The following ADGRB2 variants were observed in gnomAD, a reference collection of about 807,000 sequenced individuals.
The protein encoded by ADGRB2 is brain-specific angiogenesis inhibitor 2.
ADGRB2 carries 47 observed loss-of-function variants against 178.7 expected under a neutral mutation model. The observed-to-expected ratio is 0.26, with a 90% CI of 0.21 to 0.34. ADGRB2 has a LOEUF of 0.34. Among genes scored for constraint, ADGRB2 ranks in the 10% least tolerant of loss-of-function variants. ADGRB2 has a pLI of 1.00. For missense variants in ADGRB2, 1,584 were observed against 2,180.8 expected (o/e 0.73, Z 5.45); for synonymous variants, 870 against 912.4 (o/e 0.95, Z 0.84).
In ADGRB2 at chr1:31,753,581, C is replaced by T. The variant is rs895395709; in HGVS notation, c.838+2418G>A. ...CAGGACAAGGGTCTCACCCTTCCTG[C>T]TCACTACCATCCCCACGAATCTTGC... On this transcript the variant is annotated intron_variant, in intron 4 of 32. Transcript: ENST00000373658. The surrounding 1 kb of genome is among the most constrained non-coding windows in gnomAD (Gnocchi z 4.1). 2.6e-5 allele frequency among the ~76,000 whole-genome samples: 4 copies of T among 152,218 alleles called. No homozygotes were observed. Among genetic ancestry groups the T allele is most frequent in the African/African-American group, 9.6e-5 (4 of 41,454 alleles).
At chr1:31,743,247 C>T (rs1409140586) in intron 6 of ADGRB2, among the ~76,000 whole-genome samples, 1 of 152,084 alleles carries the variant, frequency 6.6e-6, no homozygotes, top group Admixed American at 6.5e-5. Context: ...GACGCCTGGA[C>T]AAGGGGGCCA....
At position 31,757,084 on chromosome 1, in the gene ADGRB2, G is replaced by A. The variant is rs2149061398; in HGVS notation, c.21+117C>T. 3 of 1,546,982 alleles carry A rather than the reference G, an allele frequency of 1.9e-6. No individual in the cohort carries two copies. In the South Asian group the frequency reaches 3.4e-5, roughly 17 times the overall value. ...GGGAAAGGACTCGCGAGAGTGCCTG[G>A]AATCTTGTGAGCCCTGAAGAAACAG... On this transcript the variant is annotated intron_variant, in intron 3 of 32. Coordinates refer to ENST00000373658, the MANE Select transcript of ADGRB2 (RefSeq NM_001364857.2).
In ADGRB2 at chr1:31,742,062, C is replaced by T. The variant is rs745584899; in HGVS notation, c.1408G>A (p.Glu470Lys). 2.9e-5 allele frequency: 46 copies of T among 1,608,792 alleles called. No individual in the cohort carries two copies. Among genetic ancestry groups the T allele is most frequent in the East Asian group, 4.5e-5 (2 of 44,830 alleles). Reference sequence around the variant, plus strand: ...TGTGCCAAGCACTCACCCGGGCACTCGAGGTTGCTGCACTCCCGGGTGTCA... The same window carrying T: ...TGTGCCAAGCACTCACCCGGGCACTTGAGGTTGCTGCACTCCCGGGTGTCA... Reference protein sequence around the residue: ...LTDTRECSNLECPATDSKWGP... With the variant: ...LTDTRECSNLKCPATDSKWGP... The change falls in exon 8 of 33, where the codon GAG (glutamate) becomes AAG (lysine). Residue 470 changes from glutamate (E) to lysine (K), a missense_variant. By Grantham distance (56) the Glu-to-Lys change is moderately conservative (BLOSUM62 1). Around this residue, in one of 3 missense-constraint regions of ADGRB2, gnomAD observed 657 missense variants for 847.6 expected, o/e 0.78. Coordinates refer to ENST00000373658, the MANE Select transcript of ADGRB2 (RefSeq NM_001364857.2).
At position 31,735,139 on chromosome 1, in the gene ADGRB2, T is replaced by G; in HGVS notation, c.3452+44A>C. 156 of 457,216 alleles carry G rather than the reference T, an allele frequency of 3.4e-4. No homozygotes were observed. The highest frequency in any genetic ancestry group is 4.3e-4 in the Non-Finnish European group (130 of 303,424). 28.3% of individuals were successfully genotyped at this position (457,216 alleles called of 1,614,324 possible). A position where few individuals can be genotyped will look rare whatever the true frequency, so the allele number is the denominator to read the frequency against. The stretch of plus-strand genomic sequence containing the variant: ...CATGGGCACTGCCCCCCCCAATTCC[T>G]TTGCCCCACCCACCCCCACCGCCCC... On this transcript the variant is annotated intron_variant, in intron 25 of 32. Transcript: ENST00000373658. The surrounding 1 kb of genome is among the most constrained non-coding windows in gnomAD (Gnocchi z 6.0).
At chr1:31,749,607 C>A (rs944327563) in intron 4 of ADGRB2, among the ~76,000 whole-genome samples, 1 of 152,200 alleles carries the variant, frequency 6.6e-6, no homozygotes, top group Admixed American at 6.5e-5. Flanking sequence ...GAGCACAATC[C>A]GCTCTCAATG....
chr1:31,763,238 GA>G (rs1647098308), intron 1 of ADGRB2, among the ~76,000 whole-genome samples: 1 of 151,610 alleles, frequency 6.6e-6, no homozygotes, highest in Non-Finnish European at 1.5e-5. Flanking sequence ...ATTCCAAGCT[GA>G]GGGGAGGGGA....
Position 31,742,962 on chromosome 1 carries a change from G to A in ADGRB2, c.1128C>T (p.Cys376=), listed in dbSNP as rs1182126002. 2.8e-5 allele frequency: 43 copies of A among 1,536,372 alleles called. No homozygotes were observed. Among genetic ancestry groups the A allele is most frequent in the South Asian group, 3.6e-5 (3 of 82,862 alleles). Residue 376 remains cysteine (C), a synonymous_variant, in exon 7 of 33, where the codon TGC becomes TGT. Coordinates refer to ENST00000373658, the MANE Select transcript of ADGRB2 (RefSeq NM_001364857.2). ...VWEEWGSWSL[C]SRSCGRGSRS... ...GGGACCCCCGCCCGCAGCTGCGGGA[G>A]CACAGGCTCCAGGACCCCCACTCCT...
chr1:31,748,487 AC>A (rs1236769381), intron 4 of ADGRB2, among the ~76,000 whole-genome samples: 3 of 152,268 alleles, frequency 2.0e-5, no homozygotes, highest in African/African-American at 7.2e-5. Context: ...TGAAACAAAC[AC>A]TTAGTCAGCA....
intron 4 of ADGRB2, among the ~76,000 whole-genome samples, chr1:31,746,666 G>A (rs1034967016): frequency 1.1e-4 from 16 of 151,974 alleles, no homozygotes; most frequent in South Asian, 2.1e-4. Flanking sequence ...CTCTCTCAGC[G>A]ATGACCTCAA....
chr1:31,729,273 A>G (rs1645156398), intron 29 of ADGRB2, among the ~76,000 whole-genome samples: 1 of 152,176 alleles, frequency 6.6e-6, no homozygotes, highest in Non-Finnish European at 1.5e-5. Flanking sequence ...GGTTACAGAT[A>G]GGGAAACTGA....
chr1:31,732,603 C>T lies in ADGRB2; in HGVS notation c.3634G>A (p.Val1212Met), dbSNP rs1028081344. The T allele has an allele frequency of 5.0e-6, 8 of 1,613,904 alleles. No homozygotes were observed. Among genetic ancestry groups the T allele is most frequent in the Non-Finnish European group, 6.8e-6 (8 of 1,180,008 alleles). Reference sequence around the variant, plus strand: ...CACACCCCCATCTGGCACTTCACCACATCCTGGACCTGGGGACAGAGGGCG... The same window carrying T: ...CACACCCCCATCTGGCACTTCACCATATCCTGGACCTGGGGACAGAGGGCG... ...HCFLRREVQD[V>M]VKCQMGVCRA... Residue 1212 changes from valine to methionine, a missense_variant, in exon 27 of 33, where the codon GTG becomes ATG. Val to Met is a conservative substitution (Grantham distance 21). Around this residue, in one of 3 missense-constraint regions of ADGRB2, gnomAD observed 865 missense variants for 1,192.8 expected, o/e 0.73. Coordinates refer to ENST00000373658, the MANE Select transcript of ADGRB2 (RefSeq NM_001364857.2).
At chr1:31,750,886 C>CT (rs1646532867) in intron 4 of ADGRB2, among the ~76,000 whole-genome samples, 2 of 152,110 alleles carry the variant, frequency 1.3e-5, no homozygotes, top group African/African-American at 4.8e-5. Context: ...ACCGCCCCCC[C>CT]CAATAATTCT....
rs1646766023 is a variant in ADGRB2 at position 31,755,096 on chromosome 1, G to A, written c.838+903C>T. On this transcript the variant is annotated intron_variant, in intron 4 of 32. Coordinates refer to ENST00000373658, the MANE Select transcript of ADGRB2 (RefSeq NM_001364857.2). The surrounding 1 kb of genome is among the most constrained non-coding windows in gnomAD (Gnocchi z 5.1). Reference sequence around the variant, plus strand: ...CCTCCCTGTCGGTACCAGAGCTGCAGACCAGACCCCAGACCTGCCTCCTTC... The same window carrying A: ...CCTCCCTGTCGGTACCAGAGCTGCAAACCAGACCCCAGACCTGCCTCCTTC... Among the ~76,000 whole-genome samples the A allele has an allele frequency of 6.6e-6, 1 of 152,200 alleles. No homozygotes were observed. The highest frequency in any genetic ancestry group is 1.5e-5 in the Non-Finnish European group (1 of 68,030).
rs1006876578 is a variant in ADGRB2 at position 31,728,411 on chromosome 1, C to T, written c.4417-131G>A. On this transcript the variant is annotated intron_variant, in intron 30 of 32. Transcript: ENST00000373658. The surrounding 1 kb of genome is among the most constrained non-coding windows in gnomAD (Gnocchi z 6.7). ...AGCCCCTCTGGGACAAGACCTAGTT[C>T]TCTCTTCACGTTGGTGCTATGGGCT... The T allele has an allele frequency of 4.6e-6, 6 of 1,301,298 alleles. No individual in the cohort carries two copies. Among genetic ancestry groups the T allele is most frequent in the Admixed American group, 1.8e-5 (1 of 55,378 alleles). 80.6% of individuals were successfully genotyped at this position (1,301,298 alleles called of 1,614,324 possible).
At position 31,740,204 on chromosome 1, in the gene ADGRB2, G is replaced by A; in HGVS notation, c.1990-26C>T. ...CTGAGGAGAGAGCAATGAGTGGCAG[G>A]GGGTCCTAGCCCCAGGGAACAGGGG... On this transcript the variant is annotated intron_variant, in intron 12 of 32. Transcript: ENST00000373658. This position sits in a 1 kb window ranked among gnomAD's most constrained non-coding sequence, Gnocchi z 5.9. The A allele has an allele frequency of 6.2e-7, 1 of 1,613,840 alleles. No homozygotes were observed. Among genetic ancestry groups the A allele is most frequent in the Non-Finnish European group, 8.5e-7 (1 of 1,179,942 alleles).
In ADGRB2 at chr1:31,733,366, C is replaced by G. The variant is rs1233003429; in HGVS notation, c.3453-223G>C. ...CGAACTACGGGGTCAGAGCAGGGAC[C>G]AGGAAGGTGGGGAAGGACACGCAGA... On this transcript the variant is annotated intron_variant, in intron 25 of 32. Coordinates refer to ENST00000373658, the MANE Select transcript of ADGRB2 (RefSeq NM_001364857.2). This position sits in a 1 kb window ranked among gnomAD's most constrained non-coding sequence, Gnocchi z 4.3. Among the ~76,000 whole-genome samples, 1 of 152,130 alleles carries G rather than the reference C, an allele frequency of 6.6e-6. No homozygotes were observed. The highest frequency in any genetic ancestry group is 2.4e-5 in the African/African-American group (1 of 41,420).
At chr1:31,736,019 G>A (rs1027052688) in intron 22 of ADGRB2, 126 bp from the exon 23 acceptor site, 48 of 1,059,434 alleles carry the variant, frequency 4.5e-5, no homozygotes, top group Non-Finnish European at 6.1e-5. Context: ...CCCAGACGGT[G>A]AGAGTGAGCC....
In ADGRB2 at chr1:31,728,630, T is replaced by C; in HGVS notation, c.4384A>G (p.Lys1462Glu). Residue 1462 changes from lysine (K) to glutamate (E), a missense_variant, in exon 30 of 33, where the codon AAG becomes GAG. Physicochemically the swap from Lys to Glu is moderately conservative, Grantham distance 56. This residue lies in a region of ADGRB2 where 865 missense variants were observed against 1,192.8 expected (regional missense o/e 0.73). Transcript: ENST00000373658. This position sits in a 1 kb window ranked among gnomAD's most constrained non-coding sequence, Gnocchi z 6.7. Reference sequence around the variant, plus strand: ...TCCAGGTCTGAATACCGTAATTTCTTTCGCTGGGAAGGAGCAACAAGGAGG... The same window carrying C: ...TCCAGGTCTGAATACCGTAATTTCTCTCGCTGGGAAGGAGCAACAAGGAGG... The part of the protein sequence containing the change: ...STMKMGSLER[K>E]KLRYSDLDFE... The C allele has an allele frequency of 6.2e-7, 1 of 1,613,978 alleles. No homozygotes were observed. Among genetic ancestry groups the C allele is most frequent in the South Asian group, 1.1e-5 (1 of 91,074 alleles).
At chr1:31,738,083 C>T (rs565934326) in intron 18 of ADGRB2, 117 bp downstream of exon 18, 17 of 1,421,840 alleles carry the variant, frequency 1.2e-5, no homozygotes, top group South Asian at 8.3e-5. Context: ...ATCCCACAAG[C>T]GCACCTGCAG....
Sources: gnomAD v4.1 joint callset for allele counts (sites outside exome capture counted in the v4.1 genomes callset) on GRCh38, gnomAD v4.1.1 for gene constraint, gnomAD v4.1.1 regional missense constraint, Gnocchi (gnomAD v3.1) non-coding constraint, MANE v1.5 for transcripts, NCBI Gene and HGNC (gene_info 2026-07-23, HGNC 2026-07-21) for gene names.